Variants in PRKAR2B observed in about 807,000 individuals in gnomAD.
PRKAR2B encodes cAMP-dependent protein kinase type II-beta regulatory subunit.
In PRKAR2B, 14 loss-of-function variants were observed where a neutral mutation model predicts 49.9. The ratio of observed to expected loss-of-function variants is 0.28; its 90% CI spans 0.19 to 0.44. PRKAR2B has a LOEUF of 0.44. Among genes scored for constraint, PRKAR2B ranks in the 20% least tolerant of loss-of-function variants. PRKAR2B has a pLI of 1.00. For missense variants in PRKAR2B, 393 were observed against 537.9 expected, an observed-to-expected ratio of 0.73 and a Z score of 2.67; for synonymous variants, 196 against 197.7, an observed-to-expected ratio of 0.99 and a Z score of 0.07.
At chr7:107,046,648 A>G (rs1321085791) in intron 1 of PRKAR2B, among the ~76,000 whole-genome samples, 1 of 152,184 alleles carries the variant, frequency 6.6e-6, no homozygotes, top group Non-Finnish European at 1.5e-5. Flanking sequence ...GAAACGAGAA[A>G]GAGAAAAGAA....
At chr7:107,111,992 G>T (rs1795181535) in intron 2 of PRKAR2B, among the ~76,000 whole-genome samples, 2 of 103,742 alleles carry the variant, frequency 1.9e-5, no homozygotes, top group Non-Finnish European at 3.7e-5. Context: ...TATAGCAAGA[G>T]CCTCCTCTAC....
chr7:107,072,374 G>C (rs1366276067), intron 2 of PRKAR2B, among the ~76,000 whole-genome samples: 3 of 152,120 alleles, frequency 2.0e-5, no homozygotes, highest in Non-Finnish European at 4.4e-5. Context: ...TTATAAGAAA[G>C]AAAAGAGAAC....
rs559359274 is a variant in PRKAR2B at position 107,101,865 on chromosome 7, A to C, written c.344-20087A>C. Among the ~76,000 whole-genome samples the C allele has an allele frequency of 4.4e-5, 6 of 136,694 alleles. No homozygotes were observed. In the South Asian group the frequency reaches 1.4e-3, roughly 32 times the overall value. The allele number at this position is 136,694 out of a possible 152,430, so 89.7% of individuals were successfully genotyped here. A position where few individuals can be genotyped will look rare whatever the true frequency, so the allele number is the denominator to read the frequency against. On this transcript the variant is annotated intron_variant, in intron 2 of 10. Coordinates refer to ENST00000265717, the MANE Select transcript of PRKAR2B (RefSeq NM_002736.3). ...TTGTATGCCTTTGGTTGATTTCCAG[A>C]GCCCTGATCCTTTTTTTTTTTTTTT...
intron 5 of PRKAR2B, 107 bp downstream of exon 5, chr7:107,141,060 G>A (rs778023926): frequency 3.1e-5 from 23 of 735,746 alleles, no homozygotes; most frequent in Middle Eastern, 2.7e-4. Flanking sequence ...TGTTATTGCC[G>A]CTACTCTTAT....
intron 2 of PRKAR2B, among the ~76,000 whole-genome samples, chr7:107,115,295 C>A (rs1795252652): frequency 6.6e-6 from 1 of 151,956 alleles, no homozygotes; most frequent in South Asian, 2.1e-4. Context: ...TGGCTAAAAT[C>A]TTTATAGTAA....
At chr7:107,089,766 A>G (rs17153823) in intron 2 of PRKAR2B, among the ~76,000 whole-genome samples, 14,968 of 152,270 alleles carry the variant, frequency 0.098, 797 homozygotes, top group Middle Eastern at 0.17. Flanking sequence ...TTGGAAGAGA[A>G]TAACTTCAGT....
chr7:107,127,132 A>G (rs142952055), intron 3 of PRKAR2B, among the ~76,000 whole-genome samples: 2 of 152,168 alleles, frequency 1.3e-5, no homozygotes, highest in Admixed American at 1.3e-4. Context: ...TAAATTTCCC[A>G]TTGTGAGTTT....
intron 2 of PRKAR2B, among the ~76,000 whole-genome samples, chr7:107,102,353 C>T (rs1794987758): frequency 1.3e-5 from 2 of 152,316 alleles, no homozygotes; most frequent in African/African-American, 4.8e-5. Context: ...CACCCCTTTT[C>T]TAGAAAGTTT....
intron 4 of PRKAR2B, among the ~76,000 whole-genome samples, chr7:107,138,747 G>C (rs558443545): frequency 6.6e-6 from 1 of 150,674 alleles, no homozygotes; most frequent in African/African-American, 2.4e-5. Flanking sequence ...GCAGTGGTGC[G>C]ATCATGGCTC....
chr7:107,153,124 A>G, intron 7 of PRKAR2B, 53 bp from the exon 8 acceptor site: 1 of 1,427,182 alleles, frequency 7.0e-7, no homozygotes, highest in Non-Finnish European at 9.7e-7. Flanking sequence ...CGAACTAGAT[A>G]AGCTTACCCA....
chr7:107,101,990 A>G (rs1461361349), intron 2 of PRKAR2B, among the ~76,000 whole-genome samples: 2 of 150,768 alleles, frequency 1.3e-5, no homozygotes, highest in South Asian at 2.1e-4. Flanking sequence ...ATAGTTTTCA[A>G]GTAACCAAGG....
intron 2 of PRKAR2B, among the ~76,000 whole-genome samples, chr7:107,112,174 TAAAAAAAAAAA>T (rs749209141): frequency 8.9e-5 from 4 of 44,762 alleles, no homozygotes; most frequent in Admixed American, 2.8e-4. Context: ...ACTGTGTCTC[TAAAAAAAAAAA>T]AAAAAAAAAA....
At chr7:107,089,693 A>G (rs550418573) in intron 2 of PRKAR2B, among the ~76,000 whole-genome samples, 17 of 152,362 alleles carry the variant, frequency 1.1e-4, no homozygotes, top group Non-Finnish European at 2.1e-4. Flanking sequence ...TAAAAACTAA[A>G]TTAAAGATCT....
intron 1 of PRKAR2B, among the ~76,000 whole-genome samples, chr7:107,056,535 C>T (rs1271541845): frequency 6.6e-6 from 1 of 152,058 alleles, no homozygotes; most frequent in Non-Finnish European, 1.5e-5. Context: ...CCTTCACATC[C>T]CTTGTAAGTT....
At chr7:107,045,338 T>G in intron 1 of PRKAR2B, 124 bp downstream of exon 1, 1 of 811,980 alleles carries the variant, frequency 1.2e-6, no homozygotes, top group Non-Finnish European at 1.8e-6. Flanking sequence ...CACCTTTCCC[T>G]ACCTTCCCAT....
At chr7:107,096,884 A>T (rs1322547545) in intron 2 of PRKAR2B, among the ~76,000 whole-genome samples, 2 of 152,182 alleles carry the variant, frequency 1.3e-5, no homozygotes, top group Admixed American at 6.5e-5. Flanking sequence ...ACAGTTTGTT[A>T]GAATTTCAGT....
At position 107,161,473 on chromosome 7, in the gene PRKAR2B, C is replaced by A. The variant is rs2115694666; in HGVS notation, c.*1891C>A. 1 of 152,682 alleles carries A rather than the reference C, an allele frequency of 6.5e-6. No individual in the cohort carries two copies. Among genetic ancestry groups the A allele is most frequent in the South Asian group, 2.1e-4 (1 of 4,818 alleles). The allele number at this position is 152,682 out of a possible 1,614,324, so 9.5% of individuals were successfully genotyped here. A position where few individuals can be genotyped will look rare whatever the true frequency, so the allele number is the denominator to read the frequency against. ...GTATTGTTGGTTATATTTAAATTTT[C>A]CTTACAATAAAGCACACTTTTATAA... is the stretch of plus-strand genomic sequence containing the variant. On this transcript the variant is annotated 3_prime_UTR_variant, in exon 11 of 11. Transcript: ENST00000265717.
chr7:107,055,174 G>A (rs1424881025), intron 1 of PRKAR2B, among the ~76,000 whole-genome samples: 1 of 152,128 alleles, frequency 6.6e-6, no homozygotes, highest in Admixed American at 6.5e-5. Context: ...AGTATTCCAT[G>A]GTGTATATGT....
chr7:107,153,440 T>C (rs953218657), intron 8 of PRKAR2B, among the ~76,000 whole-genome samples, 189 bp downstream of exon 8: 7 of 152,250 alleles, frequency 4.6e-5, no homozygotes, highest in Non-Finnish European at 1.0e-4. Context: ...AATATTTTTG[T>C]TTATGTAATT....
Sources: allele counts gnomAD v4.1 joint callset (sites outside exome capture counted in the v4.1 genomes callset), GRCh38; gene constraint gnomAD v4.1.1; transcripts MANE v1.5; gene names NCBI Gene and HGNC (gene_info 2026-07-23, HGNC 2026-07-21).